FBXO34: variants seen among roughly 807,000 people sequenced by gnomAD.
FBXO34 encodes F-box only protein 34.
A neutral mutation model predicts 24.5 loss-of-function variants in FBXO34; 12 were observed. The ratio of observed to expected loss-of-function variants is 0.49; its 90% CI spans 0.31 to 0.79. The LOEUF (loss-of-function observed/expected upper bound fraction) is 0.79, where lower values mean the gene tolerates loss of function less well. Among genes scored for constraint, FBXO34 ranks in the 30% least tolerant of loss-of-function variants. The pLI is 0.04. For synonymous variants in FBXO34, 320 were observed against 311.9 expected (o/e 1.03, Z -0.27); for missense variants, 823 against 857.7 (o/e 0.96, Z 0.51).
chr14:55,407,168 C>T, the FBXO34 span, among the ~76,000 whole-genome samples: 3 of 151,964 alleles, frequency 2.0e-5, no homozygotes, highest in African/African-American at 7.2e-5. Flanking sequence ...CTCGCTCTCT[C>T]GCCAGGCTGG....
chr14:55,437,107 G>A, the FBXO34 span: 1 of 1,156,952 alleles, frequency 8.6e-7, no homozygotes, highest in Admixed American at 1.8e-5. Flanking sequence ...AGGCAGGCAG[G>A]CAATGTATTC....
intron 1 of FBXO34, among the ~76,000 whole-genome samples, chr14:55,309,208 G>A (rs956546011): frequency 6.6e-6 from 1 of 152,170 alleles, no homozygotes; most frequent in Non-Finnish European, 1.5e-5. Flanking sequence ...TTCCAGAAGA[G>A]TTTATGGAAC....
At chr14:55,420,078 T>C in the FBXO34 span, among the ~76,000 whole-genome samples, 8 of 152,152 alleles carry the variant, frequency 5.3e-5, no homozygotes, top group Non-Finnish European at 1.2e-4. Context: ...TTTTGTTTGT[T>C]TGTTTGTTTT....
intron 1 of FBXO34, chr14:55,318,258 T>G (rs2140015554): frequency 6.7e-6 from 1 of 148,904 alleles, no homozygotes; most frequent in African/African-American, 2.5e-5. Flanking sequence ...ACATAATTCT[T>G]TATAAAAATA....
chr14:55,334,005 G>C (rs1217144212), intron 1 of FBXO34, among the ~76,000 whole-genome samples: 1 of 152,114 alleles, frequency 6.6e-6, no homozygotes, highest in Non-Finnish European at 1.5e-5. Context: ...TAACTTTATT[G>C]TGGAAGTGTT....
chr14:55,442,334 A>G, the FBXO34 span, among the ~76,000 whole-genome samples: 1 of 151,278 alleles, frequency 6.6e-6, no homozygotes, highest in Non-Finnish European at 1.5e-5. Flanking sequence ...GGTTGCAATG[A>G]GCCCAGATCA....
At chr14:55,397,451 CA>C in the FBXO34 span, 4 of 1,598,810 alleles carry the variant, frequency 2.5e-6, no homozygotes, top group Non-Finnish European at 3.4e-6. Flanking sequence ...CAAAAAAATT[CA>C]ATGTCTTATT....
rs371827821 is a variant in FBXO34 at position 55,295,507 on chromosome 14, G to A, written c.-11+23970G>A. ...CCTTCTGGGCTCAAGCGATTCTCCAGCCTCAGCCTCCCGAGTAGCTGGGAT... is the reference window on the plus strand; with the variant it reads ...CCTTCTGGGCTCAAGCGATTCTCCAACCTCAGCCTCCCGAGTAGCTGGGAT... On this transcript the variant is annotated intron_variant, in intron 1 of 1. Coordinates refer to ENST00000313833, the MANE Select transcript of FBXO34 (RefSeq NM_017943.4). 1.6e-4 allele frequency among the ~76,000 whole-genome samples: 24 copies of A among 148,580 alleles called. No individual in the cohort carries two copies. In the East Asian group the frequency reaches 4.2e-3, roughly 26 times the overall value.
chr14:55,384,921 G>A, the FBXO34 span, among the ~76,000 whole-genome samples: 1 of 152,234 alleles, frequency 6.6e-6, no homozygotes, highest in East Asian at 1.9e-4. Flanking sequence ...TGGGAGGTTG[G>A]AGGGGTGCCC....
intron 1 of FBXO34, among the ~76,000 whole-genome samples, chr14:55,293,961 G>A (rs534159702): frequency 1.3e-5 from 2 of 152,110 alleles, no homozygotes; most frequent in Admixed American, 6.5e-5. Flanking sequence ...AATCGGGTAC[G>A]CATATGCTTT....
At chr14:55,303,787 G>C (rs1180293717) in intron 1 of FBXO34, among the ~76,000 whole-genome samples, 2 of 152,274 alleles carry the variant, frequency 1.3e-5, no homozygotes, top group Middle Eastern at 3.4e-3. Context: ...CAAGTGTTGT[G>C]AGTGTGGAGG....
chr14:55,348,204 G>A (rs75489762), intron 1 of FBXO34, among the ~76,000 whole-genome samples: 2,544 of 152,256 alleles, frequency 0.017, 27 homozygotes, highest in Non-Finnish European at 0.026. Context: ...TGGTTGGTTG[G>A]TTGGGTTTGT....
At chr14:55,435,842 G>A in the FBXO34 span, 2 of 1,544,622 alleles carry the variant, frequency 1.3e-6, no homozygotes, top group East Asian at 4.8e-5. Flanking sequence ...ACTGAGAAAT[G>A]TTACCTTTGG....
rs565761880 is a variant in FBXO34 at position 55,350,659 on chromosome 14, A to G, written c.269A>G (p.Asn90Ser). ...ESSLNVKTKK[N>S]APSATIHQGE... is the part of the protein sequence containing the mutation. ...AGCTTGAATGTTAAAACCAAAAAGA[A>G]TGCACCATCTGCAACGATCCACCAG... The change falls in exon 2 of 2, where the codon AAT becomes AGT. Residue 90 changes from asparagine (N) to serine (S), a missense_variant. This residue lies in a region of FBXO34 where 693 missense variants were observed against 659.1 expected (regional missense o/e 1.05). Coordinates refer to ENST00000313833, the MANE Select transcript of FBXO34 (RefSeq NM_017943.4). 9.8e-5 allele frequency: 158 copies of G among 1,613,994 alleles called. No individual in the cohort carries two copies. In the South Asian group the frequency reaches 1.6e-3, roughly 17 times the overall value.
At chr14:55,305,990 TAAAA>T (rs1378441930) in intron 1 of FBXO34, among the ~76,000 whole-genome samples, 1 of 152,256 alleles carries the variant, frequency 6.6e-6, no homozygotes, top group Non-Finnish European at 1.5e-5. Context: ...GGTCTAGTAG[TAAAA>T]TAGTTCAATG....
At chr14:55,330,433 T>C (rs1349906246) in intron 1 of FBXO34, among the ~76,000 whole-genome samples, 1 of 152,148 alleles carries the variant, frequency 6.6e-6, no homozygotes, top group Non-Finnish European at 1.5e-5. Flanking sequence ...TTTGTGGGTT[T>C]TATTTTTCAA....
chr14:55,424,071 C>T, the FBXO34 span: 7 of 877,348 alleles, frequency 8.0e-6, no homozygotes, highest in African/African-American at 1.7e-5. Flanking sequence ...ATTACTTTAC[C>T]ATGGTGAACA....
chr14:55,284,318 A>G (rs563818521), intron 1 of FBXO34, among the ~76,000 whole-genome samples: 1 of 152,142 alleles, frequency 6.6e-6, no homozygotes, highest in Non-Finnish European at 1.5e-5. Flanking sequence ...GTTCGAGACC[A>G]GCCTGACCAA....
intron 1 of FBXO34, among the ~76,000 whole-genome samples, chr14:55,281,158 G>T (rs1389079042): frequency 1.3e-5 from 2 of 151,194 alleles, no homozygotes; most frequent in Non-Finnish European, 2.9e-5. Flanking sequence ...GGAGGCTGAG[G>T]CAGGAGAATC....
Sources: gnomAD v4.1 joint callset for allele counts (sites outside exome capture counted in the v4.1 genomes callset) on GRCh38, gnomAD v4.1.1 for gene constraint, gnomAD v4.1.1 regional missense constraint, MANE v1.5 for transcripts, NCBI Gene and HGNC (gene_info 2026-07-23, HGNC 2026-07-21) for gene names.